Variants in GOLGB1 observed in about 807,000 individuals in gnomAD.
GOLGB1 encodes golgin subfamily B member 1.
GOLGB1 carries 174 observed loss-of-function variants against 336.9 expected under a neutral mutation model. The observed-to-expected ratio is 0.52, with a 90% CI of 0.46 to 0.59. The LOEUF (loss-of-function observed/expected upper bound fraction) is 0.59. Among genes scored for constraint, GOLGB1 ranks in the 20% least tolerant of loss-of-function variants. The pLI, the probability that GOLGB1 is intolerant of heterozygous loss-of-function variation, is 0.00. For missense variants in GOLGB1, 3,331 were observed against 3,645.3 expected, an observed-to-expected ratio of 0.91 and a Z score of 2.22; for synonymous variants, 1,208 against 1,289.2, an observed-to-expected ratio of 0.94 and a Z score of 1.35.
rs1353563634 is a variant in GOLGB1, at chr3:121,664,457, G to A, written c.*23C>T. The A allele has an allele frequency of 6.2e-6, 10 of 1,603,738 alleles. No individual in the cohort carries two copies. The East Asian group carries it at 1.3e-4, about 21-fold the overall frequency. ...GAGAATTCCAAGTTTTGAGGGGAGT[G>A]GTCCAAAGAGTAACAACTAAGTCTA... On this transcript the variant is annotated 3_prime_UTR_variant, in exon 22 of 22. Coordinates refer to ENST00000614479, the MANE Select transcript of GOLGB1 (RefSeq NM_001366282.2).
At position 121,664,108 on chromosome 3, in the gene GOLGB1, C is replaced by A; in HGVS notation, c.*372G>T. ...AGTTATCAATCAAAATGATACTGAACTTCAGATTATTAGGTTTATTGAAAC... is the reference window on the plus strand; with the variant it reads ...AGTTATCAATCAAAATGATACTGAAATTCAGATTATTAGGTTTATTGAAAC... On this transcript the variant is annotated 3_prime_UTR_variant, in exon 22 of 22. Transcript: ENST00000614479. The A allele has an allele frequency of 4.9e-6, 1 of 203,042 alleles. No individual in the cohort carries two copies. The highest frequency in any genetic ancestry group is 1.1e-4 in the East Asian group (1 of 8,836). The allele number at this position is 203,042 out of a possible 1,614,324, so 12.6% of individuals were successfully genotyped here.
At chr3:121,672,976 T>C (rs1230692490) in intron 17 of GOLGB1, among the ~76,000 whole-genome samples, 3 of 152,216 alleles carry the variant, frequency 2.0e-5, no homozygotes, top group East Asian at 3.8e-4. Flanking sequence ...AATTGTTTCA[T>C]TGGTGGTCTG....
chr3:121,679,023 T>G (rs1940753337), intron 15 of GOLGB1, among the ~76,000 whole-genome samples: 1 of 152,236 alleles, frequency 6.6e-6, no homozygotes, highest in Non-Finnish European at 1.5e-5. Flanking sequence ...AGCTCCTATC[T>G]TAATTTCTTC....
rs1004940570 is a variant in GOLGB1, at chr3:121,697,430, T to A, written c.3093A>T (p.Glu1031Asp). ...CCCTCTCAGTCTCACTGAGTGGGATTTCTTTCTTAGATTCATCTTTCAAGT... is the reference window on the plus strand; with the variant it reads ...CCCTCTCAGTCTCACTGAGTGGGATATCTTTCTTAGATTCATCTTTCAAGT... The part of the protein sequence containing the change: ...LANLKDESKK[E>D]IPLSETERGE... Residue 1031 changes from glutamate to aspartate, a missense_variant, in exon 13 of 22, where the codon GAA becomes GAT. Glu to Asp is a conservative substitution (Grantham distance 45, BLOSUM62 2). Transcript: ENST00000614479. The A allele has an allele frequency of 6.2e-7, 1 of 1,611,668 alleles. No homozygotes were observed.
At chr3:121,675,127 C>T (rs1160283572) in intron 17 of GOLGB1, among the ~76,000 whole-genome samples, 3 of 151,540 alleles carry the variant, frequency 2.0e-5, no homozygotes, top group Non-Finnish European at 2.9e-5. Flanking sequence ...TGAGCCACCG[C>T]GCCCGGCCTG....
chr3:121,705,865 T>C (rs918696124), intron 10 of GOLGB1, among the ~76,000 whole-genome samples: 2 of 152,226 alleles, frequency 1.3e-5, no homozygotes. Flanking sequence ...TCTCAGGGCA[T>C]TGAGTAGAAT....
intron 11 of GOLGB1, among the ~76,000 whole-genome samples, chr3:121,700,352 CAAAG>C (rs1943294086): frequency 6.6e-6 from 1 of 151,910 alleles, no homozygotes; most frequent in Non-Finnish European, 1.5e-5. Context: ...TATAAGGAAA[CAAAG>C]AAATGACACA....
At chr3:121,740,459 A>T (rs1266529579) in intron 1 of GOLGB1, among the ~76,000 whole-genome samples, 1 of 152,230 alleles carries the variant, frequency 6.6e-6, no homozygotes, top group Non-Finnish European at 1.5e-5. Context: ...GAAAATGGAC[A>T]TTAATGGAGA....
Position 121,669,239 on chromosome 3 carries a change from C to T in GOLGB1, c.9294G>A (p.Leu3098=), listed in dbSNP as rs1278810295. The change falls in exon 18 of 22, where the codon TTG becomes TTA. Residue 3098 remains leucine, a synonymous_variant. Transcript: ENST00000614479. ...CCTGCAGCTCTTGAACCTGCTTCTC[C>T]AAGACTGCACAGTGATTTAAAAGGT... The part of the protein sequence containing the change: ...YGDLLNHCAV[L]EKQVQELQAG... 1 of 1,614,078 alleles carries T rather than the reference C, an allele frequency of 6.2e-7. No individual in the cohort carries two copies. Among genetic ancestry groups the T allele is most frequent in the South Asian group, 1.1e-5 (1 of 91,078 alleles).
chr3:121,709,076 G>A (rs1016455090), intron 10 of GOLGB1, among the ~76,000 whole-genome samples: 1 of 152,092 alleles, frequency 6.6e-6, no homozygotes, highest in African/African-American at 2.4e-5. Context: ...ACAGAGAAAT[G>A]TAAATAAAGA....
In GOLGB1 at chr3:121,699,845, A is replaced by T; in HGVS notation, c.1560T>A (p.Asn520Lys). The T allele has an allele frequency of 6.2e-7, 1 of 1,606,198 alleles. No individual in the cohort carries two copies. The highest frequency in any genetic ancestry group is 8.5e-7 in the Non-Finnish European group (1 of 1,173,778). The change falls in exon 12 of 22, where the codon AAT becomes AAA. Residue 520 changes from asparagine (N) to lysine (K), a missense_variant. Physicochemically the swap from Asn to Lys is moderately conservative, Grantham distance 94 (BLOSUM62 0). Transcript: ENST00000614479. Reference protein sequence around the residue: ...SSQITLLEAQNRTGEADREVS... With the variant: ...SSQITLLEAQKRTGEADREVS... The stretch of plus-strand genomic sequence containing the variant: ...CTTCTCTGTCTGCCTCCCCAGTTCT[A>T]TTCTGAGCCTCTAGGAGAGTAATCT...
At chr3:121,748,859 G>A in intron 1 of GOLGB1, 2 of 983,206 alleles carry the variant, frequency 2.0e-6, no homozygotes, top group Non-Finnish European at 2.4e-6. Context: ...CTTTAAATAA[G>A]TCAGACAAAT....
intron 17 of GOLGB1, among the ~76,000 whole-genome samples, chr3:121,669,577 G>C (rs546243397): frequency 6.6e-6 from 1 of 152,150 alleles, no homozygotes; most frequent in African/African-American, 2.4e-5. Flanking sequence ...TTTTTGTTTT[G>C]TTCTGTTTTG....
chr3:121,740,818 A>C (rs1230445107), intron 1 of GOLGB1, among the ~76,000 whole-genome samples: 1 of 152,150 alleles, frequency 6.6e-6, no homozygotes, highest in Admixed American at 6.5e-5. Context: ...ACCATAATCC[A>C]AGAATATTTA....
intron 14 of GOLGB1, among the ~76,000 whole-genome samples, chr3:121,685,857 T>C (rs1941669778): frequency 6.6e-6 from 1 of 152,220 alleles, no homozygotes; most frequent in African/African-American, 2.4e-5. Context: ...TAACTTTATT[T>C]TTAACCCAAA....
At chr3:121,727,320 ATTT>A (rs869189384) in intron 4 of GOLGB1, among the ~76,000 whole-genome samples, 939 of 27,236 alleles carry the variant, frequency 0.034, 2 homozygotes, top group Middle Eastern at 0.042. Context: ...ATATATATAT[ATTT>A]TTTTTTTTTT....
rs769921766 is a variant in GOLGB1, at chr3:121,698,394, T to G, written c.2129A>C (p.Glu710Ala). Residue 710 changes from glutamate (E) to alanine (A), a missense_variant, in exon 13 of 22, where the codon GAA (glutamate) becomes GCA (alanine). By Grantham distance (107) the Glu-to-Ala change is moderately radical. Transcript: ENST00000614479. ...CTCATCTAAATTTTTCTCATAGATT[T>G]CTTGTGCTTTATGAAAGTTTAGCTC... ...ELELNFHKAQ[E>A]IYEKNLDEKA... 8.7e-6 allele frequency: 14 copies of G among 1,613,772 alleles called. No homozygotes were observed. Among genetic ancestry groups the G allele is most frequent in the African/African-American group, 4.0e-5 (3 of 74,924 alleles).
intron 18 of GOLGB1, among the ~76,000 whole-genome samples, chr3:121,668,717 T>C (rs575390451): frequency 6.6e-6 from 1 of 151,470 alleles, no homozygotes; most frequent in Admixed American, 6.6e-5. Context: ...CTGTGGATGC[T>C]TATGGCTTTT....
chr3:121,667,833 A>G (rs1938850940), intron 19 of GOLGB1, among the ~76,000 whole-genome samples: 1 of 152,238 alleles, frequency 6.6e-6, no homozygotes, highest in African/African-American at 2.4e-5. Context: ...ATCATAGAGT[A>G]GTTGTTAGTG....
Sources: allele counts gnomAD v4.1 joint callset (sites outside exome capture counted in the v4.1 genomes callset), GRCh38; gene constraint gnomAD v4.1.1; transcripts MANE v1.5; gene names NCBI Gene and HGNC (gene_info 2026-07-23, HGNC 2026-07-21).